NCAPD2: variants seen among roughly 807,000 people sequenced by gnomAD.
NCAPD2 encodes non-SMC condensin I complex subunit D2, also known as condensin complex subunit 1.
A neutral mutation model predicts 164.5 loss-of-function variants in NCAPD2; 100 were observed. That is an observed-to-expected ratio of 0.61 (90% CI 0.52 to 0.72). NCAPD2 has a LOEUF of 0.72. Among genes scored for constraint, NCAPD2 ranks in the 30% least tolerant of loss-of-function variants. The pLI, the probability that NCAPD2 is intolerant of heterozygous loss-of-function variation, is 0.00. For missense variants in NCAPD2, 1,560 were observed against 1,749.2 expected (o/e 0.89, Z 1.93); for synonymous variants, 585 against 642.6 (o/e 0.91, Z 1.36).
rs886121001 is a variant in NCAPD2, at chr12:6,510,762, G to A, written c.396G>A (p.Glu132=). 1 of 1,614,156 alleles carries A rather than the reference G, an allele frequency of 6.2e-7. No individual in the cohort carries two copies. The highest frequency in any genetic ancestry group is 8.5e-7 in the Non-Finnish European group (1 of 1,180,044). The change falls in exon 5 of 32, where the codon GAG becomes GAA. Residue 132 remains glutamate (E), a synonymous_variant. Transcript: ENST00000315579. ...TGATACGTCTCCTGGAATCCTTTGAGACCATGGCCAGCCAGACAAACCTTG... is the reference window on the plus strand; with the variant it reads ...TGATACGTCTCCTGGAATCCTTTGAAACCATGGCCAGCCAGACAAACCTTG... ...YALIRLLESF[E]TMASQTNLVD...
At chr12:6,521,325 T>C (rs1385363750) in intron 14 of NCAPD2, among the ~76,000 whole-genome samples, 1 of 152,212 alleles carries the variant, frequency 6.6e-6, no homozygotes, top group Admixed American at 6.5e-5. Context: ...TCTTTAGGTA[T>C]GGTTTTTGAG....
rs200578810 is a variant in NCAPD2, at chr12:6,517,482, A to G, written c.1303A>G (p.Asn435Asp). The change falls in exon 11 of 32, where the codon AAT becomes GAT. Residue 435 changes from asparagine to aspartate, a missense_variant. Physicochemically the swap from Asn to Asp is conservative, Grantham distance 23 (BLOSUM62 1). Coordinates refer to ENST00000315579, the MANE Select transcript of NCAPD2 (RefSeq NM_014865.4). ...IQLLASFLAN[N>D]PFSCKLSDAD... The stretch of plus-strand genomic sequence containing the variant: ...GCTGCTGGCCAGTTTTCTAGCCAAT[A>G]ATCCTTTCTCCTGCAAGGTAAGTAG... 272 of 1,614,202 alleles carry G rather than the reference A, an allele frequency of 1.7e-4. No homozygotes were observed. The highest frequency in any genetic ancestry group is 2.2e-4 in the Non-Finnish European group (257 of 1,180,030).
chr12:6,503,703 G>A (rs1405333752), intron 2 of NCAPD2, among the ~76,000 whole-genome samples: 2 of 151,980 alleles, frequency 1.3e-5, no homozygotes, highest in Admixed American at 6.6e-5. Context: ...CCTGGGAGCC[G>A]GAGGTTGTAG....
chr12:6,530,707 T>G lies in NCAPD2; in HGVS notation c.3854T>G (p.Phe1285Cys). The G allele has an allele frequency of 6.2e-7, 1 of 1,614,130 alleles. No homozygotes were observed. Among genetic ancestry groups the G allele is most frequent in the South Asian group, 1.1e-5 (1 of 91,084 alleles). The change falls in exon 30 of 32, where the codon TTT (phenylalanine) becomes TGT (cysteine). Residue 1285 changes from phenylalanine to cysteine, a missense_variant. Physicochemically the swap from Phe to Cys is radical, Grantham distance 205 (BLOSUM62 -2). Transcript: ENST00000315579. ...TCCCTCCAGGCTATAATAGATGAAT[T>G]TGAGCAGAAGCTTCGGGCCTGTCAT... is the stretch of plus-strand genomic sequence containing the variant. ...KPEGKAIIDE[F>C]EQKLRACHTR...
chr12:6,525,984 G>A, intron 18 of NCAPD2, 84 bp from the exon 19 acceptor site: 1 of 1,532,494 alleles, frequency 6.5e-7, no homozygotes, highest in Middle Eastern at 1.7e-4. Flanking sequence ...CACATGAGGT[G>A]CTGGTACCTA....
chr12:6,496,873 A>G (rs955962708), intron 2 of NCAPD2, among the ~76,000 whole-genome samples: 2 of 152,210 alleles, frequency 1.3e-5, no homozygotes, highest in Non-Finnish European at 2.9e-5. Flanking sequence ...AAAAACTAAA[A>G]CACCTACACA....
At chr12:6,514,080 TA>T (rs1356489971) in intron 6 of NCAPD2, among the ~76,000 whole-genome samples, 184 bp from the exon 7 acceptor site, 2 of 152,146 alleles carry the variant, frequency 1.3e-5, no homozygotes, top group Admixed American at 6.5e-5. Context: ...TGAAAGTTGG[TA>T]ATCTTGAAGG....
intron 2 of NCAPD2, among the ~76,000 whole-genome samples, chr12:6,495,475 A>G (rs1393723574): frequency 6.6e-6 from 1 of 152,168 alleles, no homozygotes; most frequent in East Asian, 1.9e-4. Flanking sequence ...GGGAAAAGTT[A>G]TTTTCCATCT....
chr12:6,510,425 G>T (rs1361089854), intron 4 of NCAPD2: 1 of 791,980 alleles, frequency 1.3e-6, no homozygotes, highest in South Asian at 1.3e-5. Flanking sequence ...GAGAGAAATT[G>T]TGGTAACTGG....
In NCAPD2 at chr12:6,504,208, T is replaced by G. The variant is rs1048761438; in HGVS notation, c.128-5509T>G. Among the ~76,000 whole-genome samples the G allele has an allele frequency of 9.3e-4, 21 of 22,574 alleles. 1 individual carries two copies. Among genetic ancestry groups the G allele is most frequent in the East Asian group, 3.1e-3 (2 of 646 alleles). The allele number at this position is 22,574 out of a possible 152,430, so 14.8% of individuals were successfully genotyped here. ...ATATATATATATATATATATATATATATATATATAGATATAGATATATATA... is the reference window on the plus strand; with the variant it reads ...ATATATATATATATATATATATATAGATATATATAGATATAGATATATATA... On this transcript the variant is annotated intron_variant, in intron 2 of 31. Coordinates refer to ENST00000315579, the MANE Select transcript of NCAPD2 (RefSeq NM_014865.4).
At chr12:6,500,562 C>T (rs1042559293) in intron 2 of NCAPD2, among the ~76,000 whole-genome samples, 4 of 152,142 alleles carry the variant, frequency 2.6e-5, no homozygotes, top group Non-Finnish European at 5.9e-5. Flanking sequence ...CTCAGATCAG[C>T]AGTGTTAATA....
intron 2 of NCAPD2, among the ~76,000 whole-genome samples, chr12:6,501,001 A>C (rs370616042): frequency 6.6e-6 from 1 of 151,086 alleles, no homozygotes; most frequent in African/African-American, 2.4e-5. Context: ...ATGCTGATGG[A>C]TTGGATTGGA....
At position 6,517,395 on chromosome 12, in the gene NCAPD2, G is replaced by A. The variant is rs1329055901; in HGVS notation, c.1216G>A (p.Val406Met). 1.2e-6 allele frequency: 2 copies of A among 1,614,058 alleles called. No individual in the cohort carries two copies. The highest frequency in any genetic ancestry group is 1.7e-6 in the Non-Finnish European group (2 of 1,180,050). Residue 406 changes from valine (V) to methionine (M), a missense_variant, in exon 11 of 32, where the codon GTG (valine) becomes ATG (methionine). By Grantham distance (21) the Val-to-Met change is conservative (BLOSUM62 1). Coordinates refer to ENST00000315579, the MANE Select transcript of NCAPD2 (RefSeq NM_014865.4). ...ALPLTRFQAV[V>M]ALAVGRLADK... is the part of the protein sequence containing the mutation. ...CCCCCTGACACGTTTCCAGGCAGTGGTGGCTTTAGCTGTGGGACGTCTGGC... is the reference window on the plus strand; with the variant it reads ...CCCCCTGACACGTTTCCAGGCAGTGATGGCTTTAGCTGTGGGACGTCTGGC...
rs868645953 is a variant in NCAPD2, at chr12:6,518,194, T to A, written c.1589+235T>A. ...TGAAACAATTAAATGTTAACAGTATTATAATCAAACATGAGTCCTCCTTCA... is the reference window on the plus strand; with the variant it reads ...TGAAACAATTAAATGTTAACAGTATAATAATCAAACATGAGTCCTCCTTCA... On this transcript the variant is annotated intron_variant, in intron 13 of 31. Coordinates refer to ENST00000315579, the MANE Select transcript of NCAPD2 (RefSeq NM_014865.4). The A allele has an allele frequency of 1.1e-4, 40 of 351,412 alleles. 1 individual carries two copies. The highest frequency in any genetic ancestry group is 7.8e-4 in the African/African-American group (37 of 47,414). The allele number at this position is 351,412 out of a possible 1,614,324, so 21.8% of individuals were successfully genotyped here. A position where few individuals can be genotyped will look rare whatever the true frequency, so the allele number is the denominator to read the frequency against.
intron 2 of NCAPD2, among the ~76,000 whole-genome samples, chr12:6,497,296 C>CA (rs1158627457): frequency 3.5e-5 from 1 of 28,352 alleles, no homozygotes; most frequent in Non-Finnish European, 6.2e-5. Context: ...TTTAAATGGT[C>CA]ACCTTTTTTT....
intron 2 of NCAPD2, among the ~76,000 whole-genome samples, chr12:6,505,711 A>T (rs1459269423): frequency 1.1e-4 from 16 of 151,954 alleles, no homozygotes; most frequent in Admixed American, 1.1e-3. Context: ...TGGTAAATAT[A>T]AAAATTAGCC....
chr12:6,518,503 A>AGTTTTTTTTTTGTTTT (rs1946225477), intron 13 of NCAPD2, among the ~76,000 whole-genome samples: 8 of 30,714 alleles, frequency 2.6e-4, no homozygotes, highest in African/African-American at 1.6e-3. Flanking sequence ...GCCGTCAACA[A>AGTTTTTTTTTTGTTTT]GTTTTTTTTT....
In NCAPD2 at chr12:6,527,803, G is replaced by C; in HGVS notation, c.2934G>C (p.Glu978Asp). Residue 978 changes from glutamate to aspartate, a missense_variant, in exon 23 of 32, where the codon GAG becomes GAC. Glu to Asp is a conservative substitution (Grantham distance 45). Transcript: ENST00000315579. ...EKNTSSETTM[E>D]EELGLVGATA... ...ATACGAGCTCTGAGACCACCATGGA[G>C]GAGGAGCTGGGGCTGGTTGGGGCAA... 6.2e-7 allele frequency: 1 copy of C among 1,613,546 alleles called. No individual in the cohort carries two copies. The highest frequency in any genetic ancestry group is 8.5e-7 in the Non-Finnish European group (1 of 1,179,506).
At position 6,522,081 on chromosome 12, in the gene NCAPD2, T is replaced by C. The variant is rs201696071; in HGVS notation, c.1954+44T>C. Reference sequence around the variant, plus strand: ...CTATAAGGACAGCCTTGGGGTTCTTTTGGATTTTTTAATTTTTTAAATTTT... The same window carrying C: ...CTATAAGGACAGCCTTGGGGTTCTTCTGGATTTTTTAATTTTTTAAATTTT... On this transcript the variant is annotated intron_variant, in intron 15 of 31. Coordinates refer to ENST00000315579, the MANE Select transcript of NCAPD2 (RefSeq NM_014865.4). The C allele has an allele frequency of 4.5e-6, 7 of 1,571,516 alleles. No homozygotes were observed. The East Asian group carries it at 1.6e-4, about 35-fold the overall frequency.
Sources: gnomAD v4.1 joint callset for allele counts (sites outside exome capture counted in the v4.1 genomes callset) on GRCh38, gnomAD v4.1.1 for gene constraint, MANE v1.5 for transcripts, NCBI Gene and HGNC (gene_info 2026-07-23, HGNC 2026-07-21) for gene names.